The following STEAP4 variants were observed in gnomAD, a reference collection of about 807,000 sequenced individuals.
STEAP4 encodes the protein STEAP4 metalloreductase.
STEAP4 carries 36 observed loss-of-function variants against 43.6 expected under a neutral mutation model. The observed-to-expected ratio is 0.83, with a 90% CI of 0.63 to 1.09. The LOEUF is 1.09. Among genes scored for constraint, STEAP4 ranks in the 50% least tolerant of loss-of-function variants. The probability of loss-of-function intolerance (pLI) is 0.00; values close to 1 mark genes in which losing one functional copy is unlikely to be tolerated. For synonymous variants in STEAP4, 191 were observed against 196.7 expected (o/e 0.97, Z 0.24); for missense variants, 495 against 546.5 (o/e 0.91, Z 0.94).
rs1586739353 is a variant in STEAP4, at chr7:88,273,609, CAAAT to C, written c.*5785_*5788del. The C allele has an allele frequency of 2.0e-5, 3 of 151,966 alleles. No individual in the cohort carries two copies. Among genetic ancestry groups the C allele is most frequent in the African/African-American group, 7.3e-5 (3 of 41,360 alleles). The allele number at this position is 151,966 out of a possible 1,614,324, so 9.4% of individuals were successfully genotyped here. On this transcript the variant is annotated 3_prime_UTR_variant, in exon 5 of 5. Coordinates refer to ENST00000380079, the MANE Select transcript of STEAP4 (RefSeq NM_024636.4). ...TGCATGGGTTACTGGATCTCAAAAACAAATAAGTTCACTCAGTACACAAAGCAAT... is the reference window on the plus strand; with the variant it reads ...TGCATGGGTTACTGGATCTCAAAAACAAGTTCACTCAGTACACAAAGCAAT...
At chr7:88,284,316 G>A (rs1852687443) in intron 1 of STEAP4, 45 bp from the exon 2 acceptor site, 1 of 1,349,530 alleles carries the variant, frequency 7.4e-7, no homozygotes, top group African/African-American at 1.5e-5. Flanking sequence ...TAAATGCTCT[G>A]TGCCTGGAAA....
intron 3 of STEAP4, 144 bp from the exon 4 acceptor site, chr7:88,281,223 G>C: frequency 1.5e-6 from 1 of 678,206 alleles, no homozygotes; most frequent in Non-Finnish European, 2.2e-6. Flanking sequence ...AATAACTTTA[G>C]TGAAAAATAC....
At chr7:88,288,698 T>C (rs539242980) in intron 1 of STEAP4, among the ~76,000 whole-genome samples, 2 of 152,252 alleles carry the variant, frequency 1.3e-5, no homozygotes, top group Admixed American at 1.3e-4. Context: ...TCAACTCATA[T>C]AAATCAATGA....
chr7:88,282,470 T>A, intron 3 of STEAP4, 171 bp downstream of exon 3: 1 of 712,318 alleles, frequency 1.4e-6, no homozygotes, highest in Non-Finnish European at 2.2e-6. Context: ...AATAGTTGTA[T>A]GAGATCTAAA....
intron 1 of STEAP4, chr7:88,290,905 ATTC>A (rs1278856005): frequency 6.6e-6 from 1 of 152,098 alleles, no homozygotes; most frequent in Non-Finnish European, 1.5e-5. Context: ...TTGTTATTAA[ATTC>A]TTCTTACCAA....
At position 88,282,831 on chromosome 7, in the gene STEAP4, G is replaced by A. The variant is rs766766930; in HGVS notation, c.794C>T (p.Ala265Val). Residue 265 changes from alanine to valine, a missense_variant, in exon 3 of 5, where the codon GCT (alanine) becomes GTT (valine). Transcript: ENST00000380079. ...GCCTCGGTACAGTTGTAGAATGGCA[G>A]CAATAACACCAGGGAGGTAAACCAA... is the stretch of plus-strand genomic sequence containing the variant. Reference protein sequence around the residue: ...LALVYLPGVIAAILQLYRGTK... With the variant: ...LALVYLPGVIVAILQLYRGTK... 2 of 1,614,158 alleles carry A rather than the reference G, an allele frequency of 1.2e-6. No individual in the cohort carries two copies. Among genetic ancestry groups the A allele is most frequent in the Non-Finnish European group, 8.5e-7 (1 of 1,180,030 alleles).
In STEAP4 at chr7:88,282,744, C is replaced by T; in HGVS notation, c.881G>A (p.Gly294Asp). Residue 294 changes from glycine (G) to aspartate (D), a missense_variant, in exon 3 of 5, where the codon GGC becomes GAC. Gly to Asp is a moderately conservative substitution (Grantham distance 94). Transcript: ENST00000380079. ...GAAGGCAAATCCCAGAGCTACCAAG[C>T]CAAGCTGCTTTCGGCAAAGCATCCA... ...DHWMLCRKQL[G>D]LVALGFAFLH... 1.9e-6 allele frequency: 3 copies of T among 1,614,120 alleles called. No individual in the cohort carries two copies. The highest frequency in any genetic ancestry group is 2.5e-6 in the Non-Finnish European group (3 of 1,180,024).
At position 88,298,679 on chromosome 7, in the gene STEAP4, A is replaced by G. The variant is rs150493465; in HGVS notation, c.-3+8113T>C. On this transcript the variant is annotated intron_variant, in intron 1 of 4. Coordinates refer to ENST00000380079, the MANE Select transcript of STEAP4 (RefSeq NM_024636.4). ...GTAAAAATTAGAGCAATCCTGTAGC[A>G]TGATAAATCATCAACTTGTGATTTC... Among the ~76,000 whole-genome samples the G allele has an allele frequency of 7.0e-4, 107 of 152,338 alleles. 1 individual carries two copies. The highest frequency in any genetic ancestry group is 2.4e-3 in the African/African-American group (99 of 41,584).
At chr7:88,282,366 C>A (rs550601778) in intron 3 of STEAP4, 3 of 445,702 alleles carry the variant, frequency 6.7e-6, no homozygotes, top group Non-Finnish European at 7.9e-6. Context: ...CCAGGATGGT[C>A]TTGATCTCTT....
At chr7:88,285,756 CA>C (rs371254467) in intron 1 of STEAP4, among the ~76,000 whole-genome samples, 21,920 of 78,240 alleles carry the variant, frequency 0.28, 1,011 homozygotes, top group Non-Finnish European at 0.35. Context: ...GACTTTGTCT[CA>C]AAAAAAAAAA....
chr7:88,293,530 C>T (rs1277737122), intron 1 of STEAP4, among the ~76,000 whole-genome samples: 1 of 151,992 alleles, frequency 6.6e-6, no homozygotes, highest in Non-Finnish European at 1.5e-5. Context: ...CCCAAAAACT[C>T]TTCACAAAGC....
intron 4 of STEAP4, 151 bp downstream of exon 4, chr7:88,280,764 A>T: frequency 1.3e-6 from 1 of 750,012 alleles, no homozygotes; most frequent in Non-Finnish European, 2.1e-6. Context: ...GGAGGCAGTC[A>T]GGAATCTTGG....
In STEAP4 at chr7:88,279,261, T is replaced by G. The variant is rs570208864; in HGVS notation, c.*137A>C. The stretch of plus-strand genomic sequence containing the variant: ...TCAATTTCTCAAAGACAAGCAATGT[T>G]TCCCTCAGTCACGGTGTAAGAAAAA... On this transcript the variant is annotated 3_prime_UTR_variant, in exon 5 of 5. Transcript: ENST00000380079. 16 of 703,300 alleles carry G rather than the reference T, an allele frequency of 2.3e-5. No homozygotes were observed. In the Admixed American group the frequency reaches 3.1e-4, roughly 14 times the overall value. The allele number at this position is 703,300 out of a possible 1,614,324, so 43.6% of individuals were successfully genotyped here.
At chr7:88,289,150 CCA>C (rs1165736570) in intron 1 of STEAP4, among the ~76,000 whole-genome samples, 1 of 151,694 alleles carries the variant, frequency 6.6e-6, no homozygotes, top group African/African-American at 2.4e-5. Flanking sequence ...GCACTAACTA[CCA>C]CAGTCTAGGA....
At chr7:88,280,186 T>G (rs1586742569) in intron 4 of STEAP4, among the ~76,000 whole-genome samples, 1 of 152,220 alleles carries the variant, frequency 6.6e-6, no homozygotes, top group Non-Finnish European at 1.5e-5. Flanking sequence ...CTGGGAGAAA[T>G]TGCAAGACTT....
chr7:88,283,637 T>A, intron 2 of STEAP4, 177 bp downstream of exon 2: 1 of 696,852 alleles, frequency 1.4e-6, no homozygotes, highest in Non-Finnish European at 2.3e-6. Context: ...CAGTGGGAGA[T>A]ATAACAGTTG....
In STEAP4 at chr7:88,272,802, G is replaced by A. The variant is rs984725545; in HGVS notation, c.*6596C>T. On this transcript the variant is annotated 3_prime_UTR_variant, in exon 5 of 5. Coordinates refer to ENST00000380079, the MANE Select transcript of STEAP4 (RefSeq NM_024636.4). ...AAAAATGGGTAGAAGTACAACTAGG[G>A]AAACTTTGGTTATCTACAGAGAGAA... 4 of 152,144 alleles carry A rather than the reference G, an allele frequency of 2.6e-5. No homozygotes were observed. Among genetic ancestry groups the A allele is most frequent in the Admixed American group, 2.6e-4 (4 of 15,282 alleles). 9.4% of individuals were successfully genotyped at this position (152,144 alleles called of 1,614,324 possible).
rs1466542932 is a variant in STEAP4, at chr7:88,272,456, C to T, written c.*6942G>A. The T allele has an allele frequency of 2.6e-5, 4 of 152,194 alleles. No homozygotes were observed. Among genetic ancestry groups the T allele is most frequent in the African/African-American group, 7.2e-5 (3 of 41,452 alleles). 9.4% of individuals were successfully genotyped at this position (152,194 alleles called of 1,614,324 possible). A position where few individuals can be genotyped will look rare whatever the true frequency, so the allele number is the denominator to read the frequency against. On this transcript the variant is annotated 3_prime_UTR_variant, in exon 5 of 5. Coordinates refer to ENST00000380079, the MANE Select transcript of STEAP4 (RefSeq NM_024636.4). ...CCAGTATAAACTCTTTTACAAGAAG[C>T]CTTGCCTCAGGATCGGTTTTTAGAA...
intron 1 of STEAP4, among the ~76,000 whole-genome samples, chr7:88,303,304 T>C (rs964563441): frequency 7.7e-4 from 116 of 150,872 alleles, no homozygotes; most frequent in African/African-American, 2.6e-3. Flanking sequence ...CAGACAAGCC[T>C]GGCCAACACG....
Sources: gnomAD v4.1 joint callset for allele counts (sites outside exome capture counted in the v4.1 genomes callset) on GRCh38, gnomAD v4.1.1 for gene constraint, MANE v1.5 for transcripts, NCBI Gene and HGNC (gene_info 2026-07-23, HGNC 2026-07-21) for gene names.